The following ZNRF3 variants were observed in gnomAD, a reference collection of about 807,000 sequenced individuals.
ZNRF3 encodes E3 ubiquitin-protein ligase ZNRF3.
A neutral mutation model predicts 72.5 loss-of-function variants in ZNRF3; 23 were observed. The ratio of observed to expected loss-of-function variants is 0.32; its 90% confidence interval spans 0.23 to 0.45. The LOEUF (loss-of-function observed/expected upper bound fraction) is 0.45, where lower values mean the gene tolerates loss of function less well. Ranked by LOEUF, ZNRF3 falls within the 20% of genes least tolerant of loss-of-function variation. ZNRF3 has a pLI of 1.00. For synonymous variants in ZNRF3, 610 were observed against 545.3 expected (o/e 1.12, Z -1.65); for missense variants, 1,169 against 1,272.1 (o/e 0.92, Z 1.23).
chr22:28,975,559 A>C (rs1170085297), intron 1 of ZNRF3, among the ~76,000 whole-genome samples: 1 of 150,904 alleles, frequency 6.6e-6, no homozygotes, highest in East Asian at 1.9e-4. Flanking sequence ...CAACATGATG[A>C]AACCTCGTCT....
At chr22:28,893,995 AGG>A (rs2033945056) in intron 1 of ZNRF3, among the ~76,000 whole-genome samples, 2 of 152,208 alleles carry the variant, frequency 1.3e-5, no homozygotes, top group Non-Finnish European at 2.9e-5. Flanking sequence ...TCTGTTGCCC[AGG>A]CTGGAGTGCA....
intron 2 of ZNRF3, among the ~76,000 whole-genome samples, chr22:29,024,314 ACTGTTAAAGG>A (rs1321410301): frequency 1.0e-5 from 1 of 99,308 alleles, no homozygotes; most frequent in Non-Finnish European, 2.3e-5. Context: ...AATTTTCTGC[ACTGTTAAAGG>A]CTGTCAAACT....
chr22:28,962,903 G>A (rs1019404243), intron 1 of ZNRF3, among the ~76,000 whole-genome samples: 8 of 152,282 alleles, frequency 5.3e-5, no homozygotes, highest in South Asian at 4.1e-4. Flanking sequence ...GAAGGAAGCC[G>A]TTTTATGCAC....
At chr22:28,985,787 T>C (rs547043479) in intron 1 of ZNRF3, among the ~76,000 whole-genome samples, 4 of 152,370 alleles carry the variant, frequency 2.6e-5, no homozygotes, top group African/African-American at 9.6e-5. Context: ...TATTTGCTGC[T>C]GTAACAAGTT....
chr22:28,890,883 C>T (rs930474595), intron 1 of ZNRF3, among the ~76,000 whole-genome samples: 9 of 152,004 alleles, frequency 5.9e-5, no homozygotes, highest in Admixed American at 2.0e-4. Context: ...TCAGCTTCCC[C>T]AGTTGCTAGA....
chr22:28,888,992 G>A (rs574611329), intron 1 of ZNRF3, among the ~76,000 whole-genome samples: 16 of 152,170 alleles, frequency 1.1e-4, no homozygotes, highest in Non-Finnish European at 1.8e-4. Flanking sequence ...GCACATGCCT[G>A]TAATCCCAGC....
chr22:28,986,043 C>T (rs187762946), intron 1 of ZNRF3, among the ~76,000 whole-genome samples: 102 of 152,344 alleles, frequency 6.7e-4, no homozygotes, highest in African/African-American at 2.3e-3. Context: ...TCATGCTTCC[C>T]TGCTTCCCTT....
chr22:28,946,726 G>C (rs1323983709), intron 1 of ZNRF3, among the ~76,000 whole-genome samples: 2 of 152,212 alleles, frequency 1.3e-5, no homozygotes. Flanking sequence ...AGGAGCATCA[G>C]AGTGGGAGGA....
At chr22:28,929,058 A>G (rs1340200077) in intron 1 of ZNRF3, among the ~76,000 whole-genome samples, 1 of 152,210 alleles carries the variant, frequency 6.6e-6, no homozygotes, top group East Asian at 1.9e-4. Context: ...CATGAGACAA[A>G]AAAAGAACAC....
intron 2 of ZNRF3, among the ~76,000 whole-genome samples, chr22:29,014,537 C>G (rs534280997): frequency 6.6e-6 from 1 of 152,306 alleles, no homozygotes; most frequent in East Asian, 1.9e-4. Context: ...CTTCAGCCTC[C>G]TAGCTGCACT....
chr22:28,919,644 T>A (rs1157575006), intron 1 of ZNRF3, among the ~76,000 whole-genome samples: 4 of 151,042 alleles, frequency 2.6e-5, no homozygotes, highest in Non-Finnish European at 5.9e-5. Flanking sequence ...GTAGCTGGGA[T>A]TACAGGCGCG....
intron 1 of ZNRF3, among the ~76,000 whole-genome samples, chr22:28,888,508 G>A (rs936350083): frequency 2.6e-5 from 4 of 152,252 alleles, no homozygotes; most frequent in African/African-American, 9.6e-5. Flanking sequence ...TGTATTTTGT[G>A]ATGTTATACA....
intron 2 of ZNRF3, among the ~76,000 whole-genome samples, chr22:28,991,796 T>C (rs549391216): frequency 6.6e-6 from 1 of 152,192 alleles, no homozygotes; most frequent in East Asian, 1.9e-4. Context: ...GCTTCATCAA[T>C]GTTGGTTTCT....
Position 28,956,203 on chromosome 22 carries a change from T to C in ZNRF3, c.301-30873T>C, listed in dbSNP as rs2035257513. ...GGATGGGAGTAGGCTAGTAATGTGA[T>C]GTGTGGGGCCTTCCCTGAAATAGAA... On this transcript the variant is annotated intron_variant, in intron 1 of 8. Coordinates refer to ENST00000544604, the MANE Select transcript of ZNRF3 (RefSeq NM_001206998.2). Among the ~76,000 whole-genome samples, 3 of 152,024 alleles carry C rather than the reference T, an allele frequency of 2.0e-5. No individual in the cohort carries two copies. The South Asian group carries it at 6.2e-4, about 31-fold the overall frequency.
chr22:29,042,225 T>G (rs1213548761), intron 2 of ZNRF3, among the ~76,000 whole-genome samples: 1 of 152,216 alleles, frequency 6.6e-6, no homozygotes, highest in Non-Finnish European at 1.5e-5. Context: ...AATTCGCATA[T>G]CCATTATCTC....
intron 1 of ZNRF3, among the ~76,000 whole-genome samples, chr22:28,919,796 C>T (rs1049709845): frequency 5.9e-5 from 9 of 151,524 alleles, no homozygotes; most frequent in Admixed American, 4.6e-4. Flanking sequence ...CATGAGCCAC[C>T]ACACCTGGCC....
chr22:28,908,499 A>C (rs183690107), intron 1 of ZNRF3, among the ~76,000 whole-genome samples: 229 of 152,276 alleles, frequency 1.5e-3, no homozygotes, highest in African/African-American at 5.2e-3. Context: ...GAAGTCCAAG[A>C]GGGTTGAATT....
chr22:28,897,098 C>A (rs2034011954), intron 1 of ZNRF3, among the ~76,000 whole-genome samples: 1 of 152,156 alleles, frequency 6.6e-6, no homozygotes, highest in Admixed American at 6.5e-5. Flanking sequence ...CCCATCAGTT[C>A]TTCCCTTCCC....
Position 29,030,252 on chromosome 22 carries a change from TG to T in ZNRF3, c.427-12242del, listed in dbSNP as rs1215338676. On this transcript the variant is annotated intron_variant, in intron 2 of 8. Transcript: ENST00000544604. This position sits in a 1 kb window ranked among gnomAD's most constrained non-coding sequence, Gnocchi z 4.2. Reference sequence around the variant, plus strand: ...TGTTTAAGATTAAGATCTAGGGAAATGCATTTCCGTTTGACACCCACTAGTT... The same window carrying T: ...TGTTTAAGATTAAGATCTAGGGAAATCATTTCCGTTTGACACCCACTAGTT... Among the ~76,000 whole-genome samples, 1 of 152,156 alleles carries T rather than the reference TG, an allele frequency of 6.6e-6. No homozygotes were observed. Among genetic ancestry groups the T allele is most frequent in the Non-Finnish European group, 1.5e-5 (1 of 68,030 alleles).
Sources: gnomAD v4.1 joint callset for allele counts (sites outside exome capture counted in the v4.1 genomes callset) on GRCh38, gnomAD v4.1.1 for gene constraint, Gnocchi (gnomAD v3.1) non-coding constraint, MANE v1.5 for transcripts, NCBI Gene and HGNC (gene_info 2026-07-23, HGNC 2026-07-21) for gene names.